The following CSGALNACT1 variants were observed in gnomAD, a reference collection of about 807,000 sequenced individuals.
CSGALNACT1 encodes the protein beta4GalNAcT-1.
In CSGALNACT1, 52 loss-of-function variants were observed where a neutral mutation model predicts 51.0. The ratio of observed to expected loss-of-function variants is 1.02; its 90% CI spans 0.82 to 1.29. CSGALNACT1 has a LOEUF of 1.29. Ranked by LOEUF, CSGALNACT1 falls within the 50% of genes most tolerant of loss-of-function variation. The probability of loss-of-function intolerance (pLI) is 0.00; values close to 1 mark genes in which losing one functional copy is unlikely to be tolerated. For synonymous variants in CSGALNACT1, 341 were observed against 254.4 expected (o/e 1.34, Z -3.24); for missense variants, 935 against 679.2 (o/e 1.38, Z -4.19).
chr8:19,680,154 T>G (rs1232326041), intron 1 of CSGALNACT1, among the ~76,000 whole-genome samples: 1 of 152,102 alleles, frequency 6.6e-6, no homozygotes, highest in Admixed American at 6.5e-5. Context: ...CCTGAAATAG[T>G]ATAGTTGGCC....
At chr8:19,428,750 G>C (rs1486413820) in intron 6 of CSGALNACT1, among the ~76,000 whole-genome samples, 1 of 152,002 alleles carries the variant, frequency 6.6e-6, no homozygotes, top group East Asian at 1.9e-4. Flanking sequence ...GGGAAAGTAT[G>C]CCTGGCTCTG....
Position 19,467,626 on chromosome 8 carries a change from GTTTTT to G in CSGALNACT1, c.635-8989_635-8985del, listed in dbSNP as rs558704810. 1.9e-4 allele frequency among the ~76,000 whole-genome samples: 28 copies of G among 148,796 alleles called. No individual in the cohort carries two copies. In the South Asian group the frequency reaches 6.0e-3, roughly 32 times the overall value. On this transcript the variant is annotated intron_variant, in intron 4 of 9. Transcript: ENST00000454498. Reference sequence around the variant, plus strand: ...AGTTCAAATGCAAATGACCTGGTTAGTTTTTTTTTTTATTAATTTTTTTCGCATGG... The same window carrying G: ...AGTTCAAATGCAAATGACCTGGTTAGTTTTTTATTAATTTTTTTCGCATGG...
intron 2 of CSGALNACT1, among the ~76,000 whole-genome samples, chr8:19,598,914 C>G (rs1013645761): frequency 2.0e-5 from 3 of 152,206 alleles, no homozygotes; most frequent in Admixed American, 1.3e-4. Flanking sequence ...TTGTTTGGTG[C>G]CTTATAAGAG....
chr8:19,756,561 C>G (rs562182733), intron 1 of CSGALNACT1, among the ~76,000 whole-genome samples: 3 of 152,206 alleles, frequency 2.0e-5, no homozygotes, highest in South Asian at 2.1e-4. Context: ...TTCCTCTCCT[C>G]CCCGCCCTTC....
chr8:19,534,743 G>C (rs2083425570), intron 3 of CSGALNACT1, among the ~76,000 whole-genome samples: 1 of 152,170 alleles, frequency 6.6e-6, no homozygotes, highest in African/African-American at 2.4e-5. Context: ...CTCAGTGAAT[G>C]ACAGTTTAAA....
At chr8:19,747,814 T>TAA (rs11430712) in intron 1 of CSGALNACT1, among the ~76,000 whole-genome samples, 9 of 142,662 alleles carry the variant, frequency 6.3e-5, no homozygotes, top group South Asian at 2.2e-4. Context: ...GGAGGAGAAG[T>TAA]AAAAAAAAAA....
At chr8:19,690,747 G>A (rs575339657) in intron 1 of CSGALNACT1, among the ~76,000 whole-genome samples, 2 of 152,288 alleles carry the variant, frequency 1.3e-5, no homozygotes, top group South Asian at 2.1e-4. Flanking sequence ...GAGGGGGTGT[G>A]TTATCCCACC....
intron 5 of CSGALNACT1, among the ~76,000 whole-genome samples, chr8:19,450,472 G>A (rs1329723814): frequency 6.6e-6 from 1 of 152,152 alleles, no homozygotes; most frequent in Non-Finnish European, 1.5e-5. Context: ...GAGACCCAAG[G>A]GAGGCGGGTG....
intron 4 of CSGALNACT1, among the ~76,000 whole-genome samples, chr8:19,461,804 TCC>T (rs1563529817): frequency 3.9e-5 from 4 of 103,582 alleles, no homozygotes; most frequent in African/African-American, 1.3e-4. Context: ...GGAGGGCGTA[TCC>T]CCACAGCAGC....
chr8:19,489,285 T>C (rs911406188), intron 4 of CSGALNACT1, among the ~76,000 whole-genome samples: 5 of 152,172 alleles, frequency 3.3e-5, no homozygotes, highest in African/African-American at 1.2e-4. Flanking sequence ...AATGAAATAG[T>C]CATAGGAAAT....
At chr8:19,575,713 T>C (rs2044045005) in intron 3 of CSGALNACT1, among the ~76,000 whole-genome samples, 2 of 152,192 alleles carry the variant, frequency 1.3e-5, no homozygotes, top group South Asian at 2.1e-4. Context: ...GTTAGAAGTA[T>C]AAACAAAAGT....
intron 1 of CSGALNACT1, among the ~76,000 whole-genome samples, chr8:19,713,224 G>A (rs1055317126): frequency 2.0e-5 from 3 of 152,138 alleles, no homozygotes; most frequent in Non-Finnish European, 4.4e-5. Context: ...GGTGAGCCGC[G>A]CTGGGCAGAC....
chr8:19,646,209 T>C (rs2057262246), intron 1 of CSGALNACT1, among the ~76,000 whole-genome samples: 1 of 152,128 alleles, frequency 6.6e-6, no homozygotes, highest in Admixed American at 6.5e-5. Context: ...ACAAGATAAG[T>C]GTGTGTAAAA....
At chr8:19,514,899 A>T (rs968777953) in intron 3 of CSGALNACT1, among the ~76,000 whole-genome samples, 3 of 152,192 alleles carry the variant, frequency 2.0e-5, no homozygotes, top group Non-Finnish European at 2.9e-5. Context: ...TTTACAATAT[A>T]TCTAAAATAA....
chr8:19,508,439 T>C (rs1405074001), intron 3 of CSGALNACT1, among the ~76,000 whole-genome samples: 1 of 152,262 alleles, frequency 6.6e-6, no homozygotes, highest in African/African-American at 2.4e-5. Context: ...TTATTAGTGC[T>C]AAGTTTAAAG....
intron 1 of CSGALNACT1, among the ~76,000 whole-genome samples, chr8:19,650,064 T>A (rs2057661782): frequency 6.6e-6 from 1 of 152,144 alleles, no homozygotes; most frequent in Non-Finnish European, 1.5e-5. Flanking sequence ...CTTTCATGTG[T>A]ATGATGAGCA....
intron 1 of CSGALNACT1, among the ~76,000 whole-genome samples, chr8:19,700,381 T>G (rs867339289): frequency 6.6e-6 from 1 of 152,188 alleles, no homozygotes; most frequent in Non-Finnish European, 1.5e-5. Context: ...TTAATAAACC[T>G]GGCCCAGTGA....
intron 1 of CSGALNACT1, among the ~76,000 whole-genome samples, chr8:19,666,991 GA>G (rs1446604454): frequency 1.6e-3 from 44 of 28,144 alleles, no homozygotes; most frequent in Non-Finnish European, 2.1e-3. Flanking sequence ...AAGAAAGAAA[GA>G]AAGAAAGAAA....
chr8:19,412,788 C>A lies in CSGALNACT1; in HGVS notation c.1228-4094G>T, dbSNP rs368926622. On this transcript the variant is annotated intron_variant, in intron 8 of 9. Transcript: ENST00000454498. ...CAGTTTCTGGCCTGGGAGGAGAAGA[C>A]TCCCTGAGCTATGAGGACGTCTGTG... Among the ~76,000 whole-genome samples, 6 of 152,090 alleles carry A rather than the reference C, an allele frequency of 3.9e-5. No homozygotes were observed. The South Asian group carries it at 1.2e-3, about 32-fold the overall frequency.
Sources: allele counts gnomAD v4.1 joint callset (sites outside exome capture counted in the v4.1 genomes callset), GRCh38; gene constraint gnomAD v4.1.1; transcripts MANE v1.5; gene names NCBI Gene and HGNC (gene_info 2026-07-23, HGNC 2026-07-21).